The following NUP188 variants were observed in gnomAD, a reference collection of about 807,000 sequenced individuals.
NUP188 encodes nucleoporin NUP188.
In NUP188, 97 loss-of-function variants were observed where a neutral mutation model predicts 223.0. That is an observed-to-expected ratio of 0.43 (90% CI 0.37 to 0.51). The LOEUF (loss-of-function observed/expected upper bound fraction) is 0.51, where lower values mean the gene tolerates loss of function less well. Among genes scored for constraint, NUP188 ranks in the 20% least tolerant of loss-of-function variants. The pLI is 0.00. For missense variants in NUP188, 1,947 were observed against 2,175.6 expected, an observed-to-expected ratio of 0.89 and a Z score of 2.09; for synonymous variants, 869 against 828.0, an observed-to-expected ratio of 1.05 and a Z score of -0.85.
chr9:129,001,668 A>G lies in NUP188; in HGVS notation c.3983A>G (p.Gln1328Arg). The G allele has an allele frequency of 1.9e-6, 3 of 1,614,092 alleles. No homozygotes were observed. The highest frequency in any genetic ancestry group is 2.5e-6 in the Non-Finnish European group (3 of 1,179,998). The part of the protein sequence containing the change: ...TTLEVSLRMK[Q>R]NLHFTEATLH... ...CTAGAGGTGAGCCTTCGCATGAAGC[A>G]GAACCTGCATTTCACTGAGGCCACA... is the stretch of plus-strand genomic sequence containing the variant. The change falls in exon 35 of 44, where the codon CAG (glutamine) becomes CGG (arginine). Residue 1328 changes from glutamine (Q) to arginine (R), a missense_variant. Physicochemically the swap from Gln to Arg is conservative, Grantham distance 43. Around this residue, in one of 3 missense-constraint regions of NUP188, gnomAD observed 905 missense variants for 990.6 expected, o/e 0.91. Coordinates refer to ENST00000372577, the MANE Select transcript of NUP188 (RefSeq NM_015354.3).
At chr9:128,971,631 G>C (rs1202280370) in intron 11 of NUP188, among the ~76,000 whole-genome samples, 20 of 152,044 alleles carry the variant, frequency 1.3e-4, no homozygotes, top group Non-Finnish European at 2.6e-4. Flanking sequence ...TCTTGGCCAA[G>C]CTAGTCTTGA....
At chr9:128,987,326 A>G (rs763580255) in intron 22 of NUP188, among the ~76,000 whole-genome samples, 8 of 152,004 alleles carry the variant, frequency 5.3e-5, no homozygotes, top group East Asian at 1.9e-4. Flanking sequence ...TAATGGTTCT[A>G]TGCATTCCAT....
In NUP188 at chr9:129,006,947, T is replaced by G; in HGVS notation, c.*269T>G. The G allele has an allele frequency of 8.3e-5, 30 of 359,780 alleles. No individual in the cohort carries two copies. The highest frequency in any genetic ancestry group is 9.6e-5 in the Non-Finnish European group (19 of 198,642). 22.3% of individuals were successfully genotyped at this position (359,780 alleles called of 1,614,324 possible). On this transcript the variant is annotated 3_prime_UTR_variant, in exon 44 of 44. Transcript: ENST00000372577. Reference sequence around the variant, plus strand: ...GAGGAACTTTCCTTCCTTTCCAGCATTCCCCACAGCACTGCCGGCCAGGGG... The same window carrying G: ...GAGGAACTTTCCTTCCTTTCCAGCAGTCCCCACAGCACTGCCGGCCAGGGG...
At chr9:129,003,187 C>A in intron 37 of NUP188, 130 bp from the exon 38 acceptor site, 1 of 1,235,148 alleles carries the variant, frequency 8.1e-7, no homozygotes, top group Non-Finnish European at 1.1e-6. Context: ...CTGGTTGTAC[C>A]ACTAAGCCAT....
chr9:128,988,741 T>C (rs1003891582), intron 24 of NUP188, among the ~76,000 whole-genome samples: 3 of 140,290 alleles, frequency 2.1e-5, no homozygotes, highest in Non-Finnish European at 4.6e-5. Context: ...TTTTTTTTTT[T>C]TTTTTGAGAC....
chr9:128,998,718 G>A, intron 32 of NUP188, 95 bp downstream of exon 32: 1 of 1,017,642 alleles, frequency 9.8e-7, no homozygotes, highest in East Asian at 2.4e-5. Flanking sequence ...GGTGGAAGCT[G>A]GGCTGGTTTT....
intron 12 of NUP188, among the ~76,000 whole-genome samples, chr9:128,974,879 C>G (rs1261537292): frequency 6.6e-6 from 1 of 151,928 alleles, no homozygotes; most frequent in East Asian, 1.9e-4. Context: ...TCACCTTAAC[C>G]TCCTGAGTAG....
In NUP188 at chr9:128,973,255, T is replaced by C; in HGVS notation, c.1203+6T>C. ...ACACCCTGGGCAATCAGCAGGTCAGTGTCTGGCTTTCATGAAGCTGTCTCT... is the reference window on the plus strand; with the variant it reads ...ACACCCTGGGCAATCAGCAGGTCAGCGTCTGGCTTTCATGAAGCTGTCTCT... On this transcript the variant is annotated splice_donor_region_variant and intron_variant, in intron 12 of 43. Transcript: ENST00000372577. 1 of 1,610,688 alleles carries C rather than the reference T, an allele frequency of 6.2e-7. No individual in the cohort carries two copies. The highest frequency in any genetic ancestry group is 2.2e-5 in the East Asian group (1 of 44,856).
At position 128,959,114 on chromosome 9, in the gene NUP188, G is replaced by A. The variant is rs1284324048; in HGVS notation, c.565G>A (p.Glu189Lys). 6.3e-7 allele frequency: 1 copy of A among 1,598,780 alleles called. No individual in the cohort carries two copies. Among genetic ancestry groups the A allele is most frequent in the Admixed American group, 1.7e-5 (1 of 58,380 alleles). The change falls in exon 8 of 44, where the codon GAG becomes AAG. Residue 189 changes from glutamate (E) to lysine (K), a missense_variant. Physicochemically the swap from Glu to Lys is moderately conservative, Grantham distance 56. This residue lies in a region of NUP188 where 817 missense variants were observed against 865.8 expected (regional missense o/e 0.94). Coordinates refer to ENST00000372577, the MANE Select transcript of NUP188 (RefSeq NM_015354.3). Reference protein sequence around the residue: ...ELYKTEAPTWETHGNLMTERQ... With the variant: ...ELYKTEAPTWKTHGNLMTERQ... ...TTATAAAACTGAAGCACCAACTTGG[G>A]AGACACATGGAAATCTCATGGTATG...
At chr9:128,973,937 G>A (rs991297913) in intron 12 of NUP188, among the ~76,000 whole-genome samples, 4 of 152,082 alleles carry the variant, frequency 2.6e-5, no homozygotes, top group Admixed American at 1.3e-4. Flanking sequence ...TTGAGGCGGA[G>A]TCTTGCTCTG....
chr9:128,987,905 C>T (rs1407664504), intron 23 of NUP188, 142 bp from the exon 24 acceptor site: 3 of 1,161,714 alleles, frequency 2.6e-6, no homozygotes, highest in Non-Finnish European at 3.7e-6. Context: ...ATTACTCCTC[C>T]TCTCTCCTAG....
intron 3 of NUP188, among the ~76,000 whole-genome samples, chr9:128,955,557 C>A (rs574779518): frequency 6.6e-6 from 1 of 152,148 alleles, no homozygotes; most frequent in East Asian, 1.9e-4. Context: ...TTTGTTTATA[C>A]CTTGTTTCAG....
chr9:128,991,512 G>A (rs538818269), intron 25 of NUP188, among the ~76,000 whole-genome samples: 1 of 151,080 alleles, frequency 6.6e-6, no homozygotes, highest in South Asian at 2.1e-4. Flanking sequence ...CAGCCTGGGC[G>A]ACAGAGTGAG....
rs2131137015 is a variant in NUP188, at chr9:128,952,707, A to C, written c.88-66A>C. The C allele has an allele frequency of 4.4e-6, 6 of 1,376,512 alleles. No homozygotes were observed. The South Asian group carries it at 7.1e-5, about 16-fold the overall frequency. 85.3% of individuals were successfully genotyped at this position (1,376,512 alleles called of 1,614,324 possible). A position where few individuals can be genotyped will look rare whatever the true frequency, so the allele number is the denominator to read the frequency against. On this transcript the variant is annotated intron_variant, in intron 2 of 43. Transcript: ENST00000372577. The stretch of plus-strand genomic sequence containing the variant: ...CACTGCACTCCAGCCTGGGTGATAG[A>C]GTGAGACTCTGTCTCAAAAAAAAAA...
intron 15 of NUP188, among the ~76,000 whole-genome samples, chr9:128,982,338 G>A (rs1015284200): frequency 6.6e-6 from 1 of 151,388 alleles, no homozygotes; most frequent in Non-Finnish European, 1.5e-5. Context: ...GCTGAAGCAC[G>A]AGAATCACTT....
Position 128,981,270 on chromosome 9 carries a change from A to G in NUP188, c.1396A>G (p.Ser466Gly), listed in dbSNP as rs1379564929. 6.2e-7 allele frequency: 1 copy of G among 1,613,674 alleles called. No individual in the cohort carries two copies. Among genetic ancestry groups the G allele is most frequent in the African/African-American group, 1.3e-5 (1 of 74,900 alleles). Residue 466 changes from serine (S) to glycine (G), a missense_variant, in exon 15 of 44, where the codon AGC becomes GGC. This residue lies in a region of NUP188 where 817 missense variants were observed against 865.8 expected (regional missense o/e 0.94). Transcript: ENST00000372577. ...SGKSTAKKVY[S>G]FLDKMSFYNE... The stretch of plus-strand genomic sequence containing the variant: ...GTTTTTTCTGTTTTGGCAGGTGTAT[A>G]GCTTCTTGGATAAGATGTCTTTCTA...
intron 20 of NUP188, among the ~76,000 whole-genome samples, chr9:128,985,703 A>G (rs966549568): frequency 6.6e-6 from 1 of 152,214 alleles, no homozygotes; most frequent in African/African-American, 2.4e-5. Context: ...GAAAAAAACT[A>G]TACTTCCTGC....
chr9:128,985,104 C>A, intron 20 of NUP188, 90 bp downstream of exon 20: 1 of 858,394 alleles, frequency 1.2e-6, no homozygotes, highest in Non-Finnish European at 1.9e-6. Context: ...GCCCCTGGTG[C>A]TGTAATCTTC....
chr9:128,951,556 A>AT (rs1841786868), intron 2 of NUP188, among the ~76,000 whole-genome samples: 1 of 152,142 alleles, frequency 6.6e-6, no homozygotes, highest in African/African-American at 2.4e-5. Flanking sequence ...TATATCAAAC[A>AT]TTAGAGGAAT....
Sources: allele counts gnomAD v4.1 joint callset (sites outside exome capture counted in the v4.1 genomes callset), GRCh38; gene constraint gnomAD v4.1.1; regional missense constraint gnomAD v4.1.1; transcripts MANE v1.5; gene names NCBI Gene and HGNC (gene_info 2026-07-23, HGNC 2026-07-21).